Variants in DICER1 observed in about 807,000 individuals in gnomAD.
DICER1 encodes endoribonuclease Dicer.
In DICER1, 43 loss-of-function variants were observed where a neutral mutation model predicts 194.1. The ratio of observed to expected loss-of-function variants is 0.22; its 90% CI spans 0.17 to 0.29. DICER1 has a LOEUF of 0.29. Among genes scored for constraint, DICER1 ranks in the 10% least tolerant of loss-of-function variants. The pLI, the probability that DICER1 is intolerant of heterozygous loss-of-function variation, is 1.00. For missense variants in DICER1, 1,608 were observed against 2,317.0 expected (o/e 0.69, Z 6.28); for synonymous variants, 832 against 820.5 (o/e 1.01, Z -0.24).
rs938452991 is a variant in DICER1 at position 95,157,513 on chromosome 14, G to A, written c.-329C>T. The A allele has an allele frequency of 6.6e-6, 1 of 152,420 alleles. No individual in the cohort carries two copies. The highest frequency in any genetic ancestry group is 6.5e-5 in the Admixed American group (1 of 15,272). 9.4% of individuals were successfully genotyped at this position (152,420 alleles called of 1,614,324 possible). A position where few individuals can be genotyped will look rare whatever the true frequency, so the allele number is the denominator to read the frequency against. On this transcript the variant is annotated 5_prime_UTR_variant, in exon 1 of 27. Transcript: ENST00000343455. ...CGGCCCGCGGCAACGGCGCACAGCC[G>A]CTTGGAGAATCCCACTGGCTCCCGC...
chr14:95,131,682 G>C, intron 3 of DICER1, 43 bp from the exon 4 acceptor site: 1 of 1,583,268 alleles, frequency 6.3e-7, no homozygotes, highest in Non-Finnish European at 8.7e-7. Context: ...GAGAAATCTT[G>C]CCTAGTTGGC....
At chr14:95,093,444 C>T (rs1393983942) in intron 24 of DICER1, among the ~76,000 whole-genome samples, 1 of 152,172 alleles carries the variant, frequency 6.6e-6, no homozygotes, top group African/African-American at 2.4e-5. Flanking sequence ...TAGATTTTCC[C>T]ACTTCAAGTA....
chr14:95,155,273 C>T (rs1041615994), intron 1 of DICER1, among the ~76,000 whole-genome samples: 1 of 152,136 alleles, frequency 6.6e-6, no homozygotes, highest in African/African-American at 2.4e-5. Context: ...TTGCCATGAG[C>T]AAGTGGAAAC....
chr14:95,157,892 A>C (rs889526098), upstream of DICER1: 1 of 152,278 alleles, frequency 6.6e-6, no homozygotes, highest in Non-Finnish European at 1.5e-5. Flanking sequence ...CGGAGAGCTT[A>C]GCTTCCCTCT....
chr14:95,094,736 TGAGA>T (rs1234841630), intron 23 of DICER1, among the ~76,000 whole-genome samples: 1 of 152,192 alleles, frequency 6.6e-6, no homozygotes, highest in African/African-American at 2.4e-5. Context: ...ACCAAGAGAT[TGAGA>T]AAGAAGAGTT....
At position 95,108,342 on chromosome 14, in the gene DICER1, C is replaced by G; in HGVS notation, c.2418G>C (p.Thr806=). The G allele has an allele frequency of 1.2e-6, 2 of 1,613,812 alleles. No individual in the cohort carries two copies. The highest frequency in any genetic ancestry group is 2.2e-5 in the South Asian group (2 of 91,056). ...EDTTRCFGIL[T]AKPIPQIPHF... ...TACCTACCTGAGGTATGGGTTTGGCCGTCAGTATTCCAAAGCATCTTGTGG... is the reference window on the plus strand; with the variant it reads ...TACCTACCTGAGGTATGGGTTTGGCGGTCAGTATTCCAAAGCATCTTGTGG... The change falls in exon 15 of 27, where the codon ACG becomes ACC. Residue 806 remains threonine (T), a synonymous_variant. Transcript: ENST00000343455.
intron 6 of DICER1, among the ~76,000 whole-genome samples, chr14:95,127,600 T>C (rs1893584544): frequency 6.6e-6 from 1 of 152,242 alleles, no homozygotes; most frequent in African/African-American, 2.4e-5. Flanking sequence ...TGGTCGCATT[T>C]TGGCTTCAGT....
rs558125771 is a variant in DICER1 at position 95,107,536 on chromosome 14, C to T, written c.2804+72G>A. 306 of 1,520,772 alleles carry T rather than the reference C, an allele frequency of 2.0e-4. 4 individuals are homozygous for T. In the South Asian group the frequency reaches 3.3e-3, roughly 16 times the overall value. 94.2% of individuals were successfully genotyped at this position (1,520,772 alleles called of 1,614,324 possible). A position where few individuals can be genotyped will look rare whatever the true frequency, so the allele number is the denominator to read the frequency against. On this transcript the variant is annotated intron_variant, in intron 17 of 26. Coordinates refer to ENST00000343455, the MANE Select transcript of DICER1 (RefSeq NM_177438.3). ...AAGTGCTGGGACTGCAGGCGTGAGCCACCGTGCCCGACCTAGTGCATCTTT... is the reference window on the plus strand; with the variant it reads ...AAGTGCTGGGACTGCAGGCGTGAGCTACCGTGCCCGACCTAGTGCATCTTT...
At chr14:95,142,073 T>C (rs1894857885) in intron 1 of DICER1, among the ~76,000 whole-genome samples, 1 of 152,134 alleles carries the variant, frequency 6.6e-6, no homozygotes, top group African/African-American at 2.4e-5. Context: ...TATCTTCCTA[T>C]CTCCCAATAT....
chr14:95,097,324 T>C (rs1261335835), intron 22 of DICER1, among the ~76,000 whole-genome samples: 1 of 152,194 alleles, frequency 6.6e-6, no homozygotes, highest in Non-Finnish European at 1.5e-5. Context: ...ACTGCTTTCC[T>C]TAAAAAATAA....
chr14:95,087,172 T>C lies in DICER1; in HGVS notation c.*3326A>G. 4.3e-6 allele frequency: 1 copy of C among 233,274 alleles called. No individual in the cohort carries two copies. Among genetic ancestry groups the C allele is most frequent in the East Asian group, 6.1e-5 (1 of 16,498 alleles). 14.5% of individuals were successfully genotyped at this position (233,274 alleles called of 1,614,324 possible). On this transcript the variant is annotated 3_prime_UTR_variant, in exon 27 of 27. Transcript: ENST00000343455. ...GCCGACTGCCGGGGGAACACCTGGA[T>C]TCATGAACCAAAGCAGCCTCAAGTT...
intron 14 of DICER1, among the ~76,000 whole-genome samples, chr14:95,109,832 G>C (rs763878956): frequency 6.6e-6 from 1 of 152,150 alleles, no homozygotes; most frequent in South Asian, 2.1e-4. Flanking sequence ...GGTCAGTCAC[G>C]GTCCAATAAC....
At chr14:95,130,394 GA>G (rs1265779280) in intron 4 of DICER1, among the ~76,000 whole-genome samples, 2 of 152,148 alleles carry the variant, frequency 1.3e-5, no homozygotes, top group Non-Finnish European at 2.9e-5. Flanking sequence ...AAAGAGTAGA[GA>G]AAAAATATCT....
intron 22 of DICER1, among the ~76,000 whole-genome samples, chr14:95,098,425 G>C (rs1890559784): frequency 6.6e-6 from 1 of 152,098 alleles, no homozygotes; most frequent in African/African-American, 2.4e-5. Flanking sequence ...TCAATATAAT[G>C]CAAGGGCCTA....
rs751284020 is a variant in DICER1, at chr14:95,096,644, TCTC to T, written c.4273_4275del (p.Glu1425del). The T allele has an allele frequency of 7.4e-6, 12 of 1,612,378 alleles. No homozygotes were observed. The East Asian group carries it at 8.9e-5, about 12-fold the overall frequency. ...TCCTTCGGAGCCCTCCACATCAGGC[TCTC>T]CTCCTCCTCATCCTCCTCCTCGTAA... is the stretch of plus-strand genomic sequence containing the variant. On this transcript the variant is annotated inframe_deletion, in exon 23 of 27. Coordinates refer to ENST00000343455, the MANE Select transcript of DICER1 (RefSeq NM_177438.3).
rs1893779805 is a variant in DICER1, at chr14:95,129,634, TA to T, written c.574-3del. 1.2e-6 allele frequency: 2 copies of T among 1,610,016 alleles called. No individual in the cohort carries two copies. Among genetic ancestry groups the T allele is most frequent in the Non-Finnish European group, 1.7e-6 (2 of 1,179,632 alleles). On this transcript the variant is annotated splice_region_variant and splice_polypyrimidine_tract_variant and intron_variant, in intron 5 of 26. Transcript: ENST00000343455. ...ACATGATGGACAATTTTCACAGAGC[TA>T]ACATAATAAAAGATACTGACAGTAA...
At chr14:95,098,761 C>T (rs1264762221) in intron 22 of DICER1, among the ~76,000 whole-genome samples, 1 of 152,122 alleles carries the variant, frequency 6.6e-6, no homozygotes, top group African/African-American at 2.4e-5. Flanking sequence ...AATAATTGTT[C>T]GGACCTAACT....
At chr14:95,121,226 G>C (rs763978649) in intron 8 of DICER1, among the ~76,000 whole-genome samples, 1 of 152,192 alleles carries the variant, frequency 6.6e-6, no homozygotes, top group Admixed American at 6.5e-5. Context: ...AACTGTGACA[G>C]ACCAGAGGAA....
At chr14:95,126,365 C>T (rs540083483) in intron 7 of DICER1, among the ~76,000 whole-genome samples, 1 of 152,286 alleles carries the variant, frequency 6.6e-6, no homozygotes, top group Non-Finnish European at 1.5e-5. Context: ...AGCTCAGCTC[C>T]TTAAATAGGG....
Sources: gnomAD v4.1 joint callset for allele counts (sites outside exome capture counted in the v4.1 genomes callset) on GRCh38, gnomAD v4.1.1 for gene constraint, MANE v1.5 for transcripts, NCBI Gene and HGNC (gene_info 2026-07-23, HGNC 2026-07-21) for gene names.